DIP2C: variants seen among roughly 807,000 people sequenced by gnomAD.
DIP2C encodes the protein DIP2 acetate--CoA ligase C (putative).
A neutral mutation model predicts 192.4 loss-of-function variants in DIP2C; 33 were observed. The observed-to-expected ratio is 0.17, with a 90% confidence interval of 0.13 to 0.23. The LOEUF (loss-of-function observed/expected upper bound fraction) is 0.23, where lower values mean the gene tolerates loss of function less well. DIP2C is among the 10% of genes least tolerant of loss of function. DIP2C has a pLI of 1.00. For missense variants in DIP2C, 1,537 were observed against 2,110.1 expected, an observed-to-expected ratio of 0.73 and a Z score of 5.32; for synonymous variants, 979 against 864.1, an observed-to-expected ratio of 1.13 and a Z score of -2.33.
intron 8 of DIP2C, among the ~76,000 whole-genome samples, chr10:410,866 T>C (rs1965138413): frequency 6.6e-6 from 1 of 152,198 alleles, no homozygotes; most frequent in African/African-American, 2.4e-5. Context: ...AGGCAGGAAG[T>C]TAAGCTGCTG....
At position 327,162 on chromosome 10, in the gene DIP2C, G is replaced by C. The variant is rs775328852; in HGVS notation, c.3768C>G (p.Asp1256Glu). ...CCACGCAGGTCCTCACTCGGGACAA[G>C]TCCAGCCCTCGCGCCTGGAGATGAT... ...QTESLKARGLDLSRVRTCVVV... is the reference protein window; with the variant it reads ...QTESLKARGLELSRVRTCVVV... Residue 1256 changes from aspartate to glutamate, a missense_variant, in exon 31 of 37, where the codon GAC becomes GAG. Physicochemically the swap from Asp to Glu is conservative, Grantham distance 45. Coordinates refer to ENST00000280886, the MANE Select transcript of DIP2C (RefSeq NM_014974.3). 6.2e-7 allele frequency: 1 copy of C among 1,613,924 alleles called. No individual in the cohort carries two copies. The highest frequency in any genetic ancestry group is 1.1e-5 in the South Asian group (1 of 91,086).
intron 2 of DIP2C, among the ~76,000 whole-genome samples, chr10:478,713 C>T (rs1203681640): frequency 6.6e-5 from 10 of 151,620 alleles, no homozygotes; most frequent in South Asian, 2.1e-4. Context: ...ATCTCGTGTC[C>T]GGGCGTGCTG....
intron 1 of DIP2C, among the ~76,000 whole-genome samples, chr10:579,826 C>T (rs751279729): frequency 6.6e-6 from 1 of 151,966 alleles, no homozygotes; most frequent in Admixed American, 6.5e-5. Flanking sequence ...TGTGTACATG[C>T]ATAGCATGTA....
chr10:411,385 G>A lies in DIP2C; in HGVS notation c.1058-2368C>T, dbSNP rs368317525. Among the ~76,000 whole-genome samples, 146 of 152,306 alleles carry A rather than the reference G, an allele frequency of 9.6e-4. 2 individuals carry two copies. In the South Asian group the frequency reaches 0.028, roughly 29 times the overall value. ...TTATTAAGATTATGAAATGCCACGG[G>A]TAGTCTAAAGTGGAAAACAGAATGA... On this transcript the variant is annotated intron_variant, in intron 8 of 36. Transcript: ENST00000280886.
At chr10:572,718 C>A (rs1367616196) in intron 1 of DIP2C, among the ~76,000 whole-genome samples, 1 of 152,154 alleles carries the variant, frequency 6.6e-6, no homozygotes, top group Non-Finnish European at 1.5e-5. Flanking sequence ...AAATGACTTC[C>A]ATTCATCTGA....
intron 1 of DIP2C, among the ~76,000 whole-genome samples, chr10:556,392 G>A (rs534180666): frequency 3.3e-4 from 36 of 107,538 alleles, no homozygotes; most frequent in African/African-American, 1.4e-3. Flanking sequence ...GGGCCCCGCT[G>A]CGCACACCAC....
intron 4 of DIP2C, among the ~76,000 whole-genome samples, chr10:431,976 C>G (rs181655693): frequency 5.3e-4 from 80 of 152,220 alleles, no homozygotes; most frequent in African/African-American, 1.9e-3. Context: ...TTGTCAAATT[C>G]TTTTCCTTTT....
In DIP2C at chr10:285,523, C is replaced by G. The variant is rs1482271170; in HGVS notation, c.4119+750G>C. Among the ~76,000 whole-genome samples the G allele has an allele frequency of 2.0e-5, 3 of 152,206 alleles. No individual in the cohort carries two copies. In the East Asian group the frequency reaches 5.8e-4, roughly 29 times the overall value. On this transcript the variant is annotated intron_variant, in intron 34 of 36. Transcript: ENST00000280886. ...CTGCCACCGTGGGAGGAGGCTGGCT[C>G]CAGACATGCTCTTCTCCAGTGCCCT...
intron 4 of DIP2C, among the ~76,000 whole-genome samples, chr10:433,239 A>C (rs1475055467): frequency 6.6e-6 from 1 of 152,242 alleles, no homozygotes; most frequent in East Asian, 1.9e-4. Context: ...GAAGTTTATC[A>C]GTTTTTGCTT....
chr10:413,854 G>C, intron 8 of DIP2C, 59 bp downstream of exon 8: 3 of 1,576,218 alleles, frequency 1.9e-6, no homozygotes, highest in Admixed American at 1.7e-5. Flanking sequence ...AGTTTCCTGC[G>C]TTCGGGAGTG....
chr10:564,186 A>G (rs899549659), intron 1 of DIP2C, among the ~76,000 whole-genome samples: 2 of 152,118 alleles, frequency 1.3e-5, no homozygotes, highest in Non-Finnish European at 1.5e-5. Flanking sequence ...CTCATTACTC[A>G]CTAGCAGGCC....
chr10:541,350 A>C (rs1401236987), intron 1 of DIP2C, among the ~76,000 whole-genome samples: 2 of 152,050 alleles, frequency 1.3e-5, no homozygotes, highest in African/African-American at 4.8e-5. Context: ...CAAAAGCAAA[A>C]ACACATTTCC....
At chr10:670,466 G>C (rs988018931) in intron 1 of DIP2C, among the ~76,000 whole-genome samples, 1 of 152,222 alleles carries the variant, frequency 6.6e-6, no homozygotes, top group Non-Finnish European at 1.5e-5. Flanking sequence ...AAACAGGGTA[G>C]GGTGTCAACA....
At chr10:469,617 C>T (rs565273265) in intron 3 of DIP2C, among the ~76,000 whole-genome samples, 4 of 152,222 alleles carry the variant, frequency 2.6e-5, no homozygotes, top group South Asian at 4.2e-4. Context: ...GCACCCAGCC[C>T]TGACAGATAT....
chr10:371,057 C>T (rs1386218543), intron 17 of DIP2C, among the ~76,000 whole-genome samples: 1 of 152,136 alleles, frequency 6.6e-6, no homozygotes, highest in African/African-American at 2.4e-5. Context: ...CCGGGCTTTC[C>T]ATTATCCTCC....
chr10:563,971 TAA>T (rs1435632774), intron 1 of DIP2C, among the ~76,000 whole-genome samples: 8 of 152,196 alleles, frequency 5.3e-5, no homozygotes, highest in African/African-American at 9.6e-5. Context: ...ACTGAAGAAT[TAA>T]AGTCTGTGAA....
At chr10:417,599 G>A (rs910186242) in intron 6 of DIP2C, among the ~76,000 whole-genome samples, 1 of 150,624 alleles carries the variant, frequency 6.6e-6, no homozygotes, top group Non-Finnish European at 1.5e-5. Context: ...TTGGAGCTAG[G>A]ATAGGCATCC....
chr10:356,526 T>G lies in DIP2C; in HGVS notation c.2905-20A>C, dbSNP rs777797817. The G allele has an allele frequency of 6.2e-7, 1 of 1,603,968 alleles. No homozygotes were observed. Among genetic ancestry groups the G allele is most frequent in the South Asian group, 1.1e-5 (1 of 90,506 alleles). ...CAGGAACTGGAACAGAGCACGGGCA[T>G]GAGGATCAGGCTGTGCGGTTGGATC... On this transcript the variant is annotated intron_variant, in intron 23 of 36. Transcript: ENST00000280886.
chr10:394,904 C>A (rs1293468022), intron 10 of DIP2C, among the ~76,000 whole-genome samples: 1 of 151,560 alleles, frequency 6.6e-6, no homozygotes, highest in East Asian at 1.9e-4. Flanking sequence ...GGGAAGGTGA[C>A]CGTATGCTGA....
Sources: gnomAD v4.1 joint callset for allele counts (sites outside exome capture counted in the v4.1 genomes callset) on GRCh38, gnomAD v4.1.1 for gene constraint, MANE v1.5 for transcripts, NCBI Gene and HGNC (gene_info 2026-07-23, HGNC 2026-07-21) for gene names.